CDC14B: variants seen among roughly 807,000 people sequenced by gnomAD.
CDC14B encodes cell division cycle 14B, also known as dual specificity protein phosphatase CDC14B.
Under a neutral mutation model 64.2 loss-of-function variants are expected in CDC14B, and 22 were observed. The observed-to-expected ratio is 0.34, with a 90% CI of 0.24 to 0.49. CDC14B has a LOEUF of 0.49. Among genes scored for constraint, CDC14B ranks in the 20% least tolerant of loss-of-function variants. CDC14B has a pLI of 0.99. For synonymous variants in CDC14B, 191 were observed against 215.8 expected (o/e 0.89, Z 1.01); for missense variants, 498 against 629.9 (o/e 0.79, Z 2.24).
At chr9:96,550,658 A>G (rs1739474591) in intron 5 of CDC14B, among the ~76,000 whole-genome samples, 4 of 152,252 alleles carry the variant, frequency 2.6e-5, no homozygotes. Flanking sequence ...TGAAAATATC[A>G]AAGTCTTCAA....
chr9:96,563,133 T>G (rs915673018), intron 3 of CDC14B, among the ~76,000 whole-genome samples: 1 of 152,030 alleles, frequency 6.6e-6, no homozygotes, highest in Non-Finnish European at 1.5e-5. Flanking sequence ...TAAGTTAAAA[T>G]AAAAAGGTAT....
At chr9:96,518,133 G>A (rs924745738) in intron 12 of CDC14B, among the ~76,000 whole-genome samples, 1 of 152,202 alleles carries the variant, frequency 6.6e-6, no homozygotes, top group Non-Finnish European at 1.5e-5. Context: ...AGCATCTGCT[G>A]TGTGCAGAGT....
chr9:96,551,111 C>CTTTTTTTTTTTTTTTTTT (rs202193145), intron 5 of CDC14B, among the ~76,000 whole-genome samples: 2,796 of 92,966 alleles, frequency 0.03, 350 homozygotes, highest in South Asian at 0.057. Flanking sequence ...TTGGGGTTTG[C>CTTTTTTTTTTTTTTTTTT]TTTTTTTTTT....
intron 3 of CDC14B, among the ~76,000 whole-genome samples, chr9:96,563,458 C>A (rs1843487170): frequency 6.6e-6 from 1 of 152,048 alleles, no homozygotes; most frequent in African/African-American, 2.4e-5. Flanking sequence ...CGAGACCAGC[C>A]TGACCAACAT....
chr9:96,543,134 A>C (rs1342702473), intron 5 of CDC14B, among the ~76,000 whole-genome samples: 7 of 152,206 alleles, frequency 4.6e-5, no homozygotes, highest in African/African-American at 1.4e-4. Flanking sequence ...GAGGAGATCG[A>C]GATCTTCCTG....
At chr9:96,506,003 C>G (rs1834072218) in intron 13 of CDC14B, among the ~76,000 whole-genome samples, 2 of 152,156 alleles carry the variant, frequency 1.3e-5, no homozygotes, top group African/African-American at 4.8e-5. Flanking sequence ...CTCAGTAAAA[C>G]CAAAAATCAA....
At chr9:96,535,295 G>T (rs569633051) in intron 7 of CDC14B, among the ~76,000 whole-genome samples, 1 of 152,012 alleles carries the variant, frequency 6.6e-6, no homozygotes, top group East Asian at 1.9e-4. Flanking sequence ...CAACAAGAGC[G>T]AAACTCTGTC....
At chr9:96,535,313 A>G (rs13301668) in intron 7 of CDC14B, among the ~76,000 whole-genome samples, 1 of 152,308 alleles carries the variant, frequency 6.6e-6, no homozygotes, top group East Asian at 1.9e-4. Context: ...GTCTCAAAAA[A>G]CAAAAATTAA....
At chr9:96,556,492 T>C (rs879489844) in intron 4 of CDC14B, among the ~76,000 whole-genome samples, 7 of 152,202 alleles carry the variant, frequency 4.6e-5, no homozygotes, top group Admixed American at 4.6e-4. Flanking sequence ...ATCACTTTCA[T>C]AGCTCCTGCA....
At chr9:96,605,219 C>T (rs765644049) in intron 1 of CDC14B, among the ~76,000 whole-genome samples, 9 of 152,068 alleles carry the variant, frequency 5.9e-5, no homozygotes, top group African/African-American at 1.4e-4. Flanking sequence ...ATGCAGCAGG[C>T]GCTGTTAAGA....
Position 96,517,838 on chromosome 9 carries a change from T to A in CDC14B, c.1343+4668A>T, listed in dbSNP as rs1413009133. On this transcript the variant is annotated intron_variant, in intron 12 of 13. Coordinates refer to ENST00000375241, the MANE Select transcript of CDC14B (RefSeq NM_033331.4). ...TTCATGCCACCATGCCCAGTTTTTT[T>A]TTTTTATTTTTTTTGTAGAGACAGA... Among the ~76,000 whole-genome samples, 4 of 151,292 alleles carry A rather than the reference T, an allele frequency of 2.6e-5. No homozygotes were observed. In the South Asian group the frequency reaches 6.3e-4, roughly 24 times the overall value.
At chr9:96,562,807 T>C in intron 3 of CDC14B, 22 bp from the exon 4 acceptor site, 1 of 1,437,990 alleles carries the variant, frequency 7.0e-7, no homozygotes, top group Non-Finnish European at 9.7e-7. Flanking sequence ...TAAATAACTG[T>C]TAGCATTTTC....
rs1240926611 is a variant in CDC14B, at chr9:96,581,221, ACT to A, written c.161-15740_161-15739del. Among the ~76,000 whole-genome samples, 13 of 150,284 alleles carry A rather than the reference ACT, an allele frequency of 8.7e-5. No individual in the cohort carries two copies. In the East Asian group the frequency reaches 2.6e-3, roughly 30 times the overall value. On this transcript the variant is annotated intron_variant, in intron 1 of 13. Coordinates refer to ENST00000375241, the MANE Select transcript of CDC14B (RefSeq NM_033331.4). Reference sequence around the variant, plus strand: ...CTCCAGCCTGGGCAATAAGAGGGAGACTCTGTCTCAAAAAAGAAAAACAAAAT... The same window carrying A: ...CTCCAGCCTGGGCAATAAGAGGGAGACTGTCTCAAAAAAGAAAAACAAAAT...
chr9:96,605,949 G>T (rs951207920), intron 1 of CDC14B, among the ~76,000 whole-genome samples: 1 of 151,842 alleles, frequency 6.6e-6, no homozygotes, highest in Non-Finnish European at 1.5e-5. Context: ...TGTGTAACAG[G>T]TACACAAAAA....
At chr9:96,598,427 C>T (rs961378898) in intron 1 of CDC14B, among the ~76,000 whole-genome samples, 19 of 152,282 alleles carry the variant, frequency 1.2e-4, no homozygotes, top group African/African-American at 3.8e-4. Context: ...AGCTCCACCT[C>T]CTGGGTTCAT....
intron 12 of CDC14B, among the ~76,000 whole-genome samples, chr9:96,518,375 C>T (rs1027781614): frequency 7.9e-5 from 12 of 152,072 alleles, no homozygotes; most frequent in Admixed American, 5.9e-4. Flanking sequence ...ATTAGCGAGG[C>T]GTGGTGGCGT....
At chr9:96,561,494 T>C (rs1479739233) in intron 4 of CDC14B, among the ~76,000 whole-genome samples, 1 of 151,694 alleles carries the variant, frequency 6.6e-6, no homozygotes, top group Non-Finnish European at 1.5e-5. Flanking sequence ...GTTTTTCTTT[T>C]TTGAGACGGA....
At chr9:96,518,559 G>T (rs1836117247) in intron 12 of CDC14B, among the ~76,000 whole-genome samples, 1 of 151,990 alleles carries the variant, frequency 6.6e-6, no homozygotes, top group South Asian at 2.1e-4. Flanking sequence ...TTGTGGAAAG[G>T]GATTAGACTA....
intron 1 of CDC14B, chr9:96,566,882 G>A (rs1430886825): frequency 7.7e-6 from 12 of 1,564,224 alleles, no homozygotes; most frequent in Non-Finnish European, 1.0e-5. Flanking sequence ...GGGAGGCGCC[G>A]CGACCACACC....
Sources: gnomAD v4.1 joint callset for allele counts (sites outside exome capture counted in the v4.1 genomes callset) on GRCh38, gnomAD v4.1.1 for gene constraint, MANE v1.5 for transcripts, NCBI Gene and HGNC (gene_info 2026-07-23, HGNC 2026-07-21) for gene names.